Variants in LAMA2 observed in about 807,000 individuals in gnomAD.
The protein encoded by LAMA2 is laminin subunit alpha-2.
In LAMA2, 269 loss-of-function variants were observed where a neutral mutation model predicts 364.8. That is an observed-to-expected ratio of 0.74 (90% confidence interval 0.67 to 0.82). LAMA2 has a LOEUF of 0.82. LAMA2 is among the 40% of genes least tolerant of loss of function. The pLI is 0.00. For missense variants in LAMA2, 3,807 were observed against 3,873.2 expected (o/e 0.98, Z 0.45); for synonymous variants, 1,379 against 1,370.6 (o/e 1.01, Z -0.14).
chr6:129,127,011 A>T (rs1253968914), intron 4 of LAMA2, among the ~76,000 whole-genome samples: 1 of 152,188 alleles, frequency 6.6e-6, no homozygotes, highest in African/African-American at 2.4e-5. Flanking sequence ...AGGTTGCAGT[A>T]AGCTGAGACT....
intron 12 of LAMA2, among the ~76,000 whole-genome samples, chr6:129,209,787 A>G (rs1394251632): frequency 1.3e-5 from 2 of 151,916 alleles, no homozygotes; most frequent in African/African-American, 4.8e-5. Flanking sequence ...GCGGATAACG[A>G]GGTCAGGAGA....
At chr6:129,035,528 A>ATTTTTTTTTTTTTTTT (rs143564398) in intron 1 of LAMA2, among the ~76,000 whole-genome samples, 1 of 133,478 alleles carries the variant, frequency 7.5e-6, no homozygotes, top group African/African-American at 2.8e-5. Context: ...CCATTTGTTC[A>ATTTTTTTTTTTTTTTT]TTTTTTTTTT....
intron 3 of LAMA2, among the ~76,000 whole-genome samples, chr6:129,071,671 T>C (rs1437368367): frequency 1.3e-5 from 2 of 152,216 alleles, no homozygotes; most frequent in East Asian, 1.9e-4. Context: ...CTGAGTTATA[T>C]AGAAGTGAAG....
chr6:129,289,436 A>C (rs9385484), intron 19 of LAMA2, among the ~76,000 whole-genome samples: 1 of 151,878 alleles, frequency 6.6e-6, no homozygotes, highest in Non-Finnish European at 1.5e-5. Context: ...TGAGTTCCCA[A>C]GTCCTGGAGA....
At chr6:128,924,271 T>G (rs1778945258) in intron 1 of LAMA2, among the ~76,000 whole-genome samples, 1 of 152,178 alleles carries the variant, frequency 6.6e-6, no homozygotes, top group African/African-American at 2.4e-5. Context: ...TACCCAAGTC[T>G]TTCCATTAAC....
Position 129,453,135 on chromosome 6 carries a change from A to G in LAMA2, c.6573+4A>G. On this transcript the variant is annotated splice_donor_region_variant and intron_variant, in intron 46 of 64. Transcript: ENST00000421865. ...TTATCTTGGAAGTGCCAAATTTGTA[A>G]GTCTAATATTCAACTTTTCATTAGG... is the stretch of plus-strand genomic sequence containing the variant. The G allele has an allele frequency of 6.2e-7, 1 of 1,611,584 alleles. No homozygotes were observed. The highest frequency in any genetic ancestry group is 8.5e-7 in the Non-Finnish European group (1 of 1,178,606).
At chr6:129,516,037 C>CAATTCTATTAGTAAGGCTAA (rs1787041300) in intron 64 of LAMA2, among the ~76,000 whole-genome samples, 153 bp from the exon 65 acceptor site, 1 of 147,646 alleles carries the variant, frequency 6.8e-6, no homozygotes, top group Non-Finnish European at 1.5e-5. Context: ...TCTTTCTCTA[C>CAATTCTATTAGTAAGGCTAA]AATTCTATTA....
intron 37 of LAMA2, among the ~76,000 whole-genome samples, chr6:129,400,642 G>A (rs545777707): frequency 1.5e-3 from 227 of 152,294 alleles, no homozygotes; most frequent in African/African-American, 5.2e-3. Context: ...GGCCAGGATT[G>A]AGTTTCATGT....
intron 4 of LAMA2, among the ~76,000 whole-genome samples, chr6:129,129,941 A>T (rs1040471127): frequency 9.2e-5 from 14 of 151,794 alleles, no homozygotes; most frequent in South Asian, 6.2e-4. Flanking sequence ...AAAAAAAAAA[A>T]AATAACATAT....
chr6:129,200,439 T>C (rs1782199036), intron 12 of LAMA2, among the ~76,000 whole-genome samples: 1 of 150,280 alleles, frequency 6.7e-6, no homozygotes, highest in South Asian at 2.1e-4. Flanking sequence ...TGTACACATA[T>C]ACATATATGT....
chr6:128,942,987 A>T (rs2114546771), intron 1 of LAMA2, among the ~76,000 whole-genome samples: 1 of 152,278 alleles, frequency 6.6e-6, no homozygotes, highest in East Asian at 1.9e-4. Context: ...TAAGACTTTC[A>T]TTGTCATCAG....
chr6:129,007,595 C>A (rs1784516699), intron 1 of LAMA2, among the ~76,000 whole-genome samples: 1 of 152,150 alleles, frequency 6.6e-6, no homozygotes, highest in Non-Finnish European at 1.5e-5. Context: ...AAGATTAAAC[C>A]AAACCATTGT....
chr6:129,282,333 C>G (rs1327130474), intron 18 of LAMA2, among the ~76,000 whole-genome samples: 1 of 152,162 alleles, frequency 6.6e-6, no homozygotes, highest in Non-Finnish European at 1.5e-5. Flanking sequence ...GACTACAGCT[C>G]AGGTGGGACA....
intron 45 of LAMA2, among the ~76,000 whole-genome samples, chr6:129,448,789 T>G (rs1782519659): frequency 6.6e-6 from 1 of 152,212 alleles, no homozygotes; most frequent in African/African-American, 2.4e-5. Flanking sequence ...TTTAGATGTC[T>G]TACTAAGGAT....
At chr6:128,919,235 A>G (rs982156559) in intron 1 of LAMA2, among the ~76,000 whole-genome samples, 6 of 152,126 alleles carry the variant, frequency 3.9e-5, no homozygotes, top group South Asian at 2.1e-4. Context: ...CCCTCTTTGT[A>G]TGTATTTATG....
intron 11 of LAMA2, among the ~76,000 whole-genome samples, chr6:129,191,366 TAC>T (rs1781514201): frequency 6.6e-6 from 1 of 152,248 alleles, no homozygotes; most frequent in South Asian, 2.1e-4. Flanking sequence ...ATATTATCTA[TAC>T]GTTATCAACT....
At chr6:129,169,197 T>C (rs1256557930) in intron 9 of LAMA2, among the ~76,000 whole-genome samples, 2 of 149,920 alleles carry the variant, frequency 1.3e-5, no homozygotes, top group Non-Finnish European at 3.0e-5. Flanking sequence ...TCCAACACTA[T>C]GTTGAATAGG....
intron 1 of LAMA2, among the ~76,000 whole-genome samples, chr6:128,895,985 G>C (rs1776747581): frequency 6.6e-6 from 1 of 152,026 alleles, no homozygotes; most frequent in Non-Finnish European, 1.5e-5. Flanking sequence ...TTTCTTATTT[G>C]TTGGGAGATG....
At chr6:129,164,591 G>C (rs1316444165) in intron 8 of LAMA2, among the ~76,000 whole-genome samples, 3 of 152,182 alleles carry the variant, frequency 2.0e-5, no homozygotes, top group Non-Finnish European at 4.4e-5. Context: ...TTCATACTTT[G>C]TTAGGACAGA....
Sources: allele counts gnomAD v4.1 joint callset (sites outside exome capture counted in the v4.1 genomes callset), GRCh38; gene constraint gnomAD v4.1.1; transcripts MANE v1.5; gene names NCBI Gene and HGNC (gene_info 2026-07-23, HGNC 2026-07-21).